Variants in RIN3 observed in about 807,000 individuals in gnomAD.
RIN3 encodes RAB5 interacting protein 3.
A neutral mutation model predicts 76.3 loss-of-function variants in RIN3; 54 were observed. The observed-to-expected ratio is 0.71, with a 90% CI of 0.57 to 0.89. The LOEUF (loss-of-function observed/expected upper bound fraction) is 0.89. Among genes scored for constraint, RIN3 ranks in the 40% least tolerant of loss-of-function variants. The pLI is 0.00. For missense variants in RIN3, 1,256 were observed against 1,322.1 expected (o/e 0.95, Z 0.78); for synonymous variants, 576 against 564.0 (o/e 1.02, Z -0.30).
intron 1 of RIN3, among the ~76,000 whole-genome samples, chr14:92,535,048 G>A (rs1368270647): frequency 1.3e-5 from 2 of 152,168 alleles, no homozygotes; most frequent in Non-Finnish European, 2.9e-5. Context: ...GGCCTTGGTA[G>A]TGTCAGCCTC....
intron 4 of RIN3, among the ~76,000 whole-genome samples, chr14:92,633,179 G>T (rs1216374988): frequency 6.6e-6 from 1 of 152,166 alleles, no homozygotes; most frequent in Non-Finnish European, 1.5e-5. Flanking sequence ...AGATGCCGGG[G>T]TTTCCATCCT....
At chr14:92,576,081 G>A (rs182269158) in intron 2 of RIN3, among the ~76,000 whole-genome samples, 2 of 152,270 alleles carry the variant, frequency 1.3e-5, no homozygotes, top group Admixed American at 1.3e-4. Flanking sequence ...ACAGGAGCAG[G>A]GAGGGGAAGA....
chr14:92,515,945 T>G (rs1385069673), intron 1 of RIN3, among the ~76,000 whole-genome samples: 1 of 152,148 alleles, frequency 6.6e-6, no homozygotes, highest in East Asian at 1.9e-4. Context: ...GGAGGATGAC[T>G]CTGGTTGGGC....
At chr14:92,551,315 G>T (rs1019154878) in intron 1 of RIN3, among the ~76,000 whole-genome samples, 1 of 152,130 alleles carries the variant, frequency 6.6e-6, no homozygotes, top group East Asian at 1.9e-4. Context: ...CTACTGACCC[G>T]TTGTGTGGAC....
chr14:92,642,654 T>G (rs554977199), intron 5 of RIN3, among the ~76,000 whole-genome samples: 1 of 152,124 alleles, frequency 6.6e-6, no homozygotes, highest in East Asian at 1.9e-4. Context: ...CAGAACCAGA[T>G]CACAGAGGAA....
rs144457746 is a variant in RIN3 at position 92,575,468 on chromosome 14, C to G, written c.250-1892C>G. Among the ~76,000 whole-genome samples the G allele has an allele frequency of 3.2e-4, 49 of 152,304 alleles. No individual in the cohort carries two copies. The East Asian group carries it at 9.1e-3, about 28-fold the overall frequency. On this transcript the variant is annotated intron_variant, in intron 2 of 9. Coordinates refer to ENST00000216487, the MANE Select transcript of RIN3 (RefSeq NM_024832.5). ...CTCTATCCTGGTACACTGTCTCATA[C>G]TCATGCTCGACTGATTATGCTTATG...
rs1887489440 is a variant in RIN3, at chr14:92,652,416, C to A, written c.1367C>A (p.Pro456His). 6.2e-7 allele frequency: 1 copy of A among 1,613,296 alleles called. No homozygotes were observed. The highest frequency in any genetic ancestry group is 8.5e-7 in the Non-Finnish European group (1 of 1,179,696). Residue 456 changes from proline (P) to histidine (H), a missense_variant, in exon 6 of 10, where the codon CCC (proline) becomes CAC (histidine). Coordinates refer to ENST00000216487, the MANE Select transcript of RIN3 (RefSeq NM_024832.5). The surrounding 1 kb of genome is among the most constrained non-coding windows in gnomAD (Gnocchi z 6.4). ...MPELPRTAKQ[P>H]PVPPPRKKRI... Reference sequence around the variant, plus strand: ...GAGCTGCCCAGGACAGCCAAACAACCCCCAGTCCCGCCCCCCAGGAAAAAA... The same window carrying A: ...GAGCTGCCCAGGACAGCCAAACAACACCCAGTCCCGCCCCCCAGGAAAAAA...
intron 3 of RIN3, among the ~76,000 whole-genome samples, chr14:92,599,071 G>A (rs1404710793): frequency 6.6e-6 from 1 of 152,208 alleles, no homozygotes; most frequent in East Asian, 1.9e-4. Context: ...TGGCTGGTGT[G>A]AAAGGGAGGG....
At chr14:92,647,149 A>G (rs886213245) in intron 5 of RIN3, among the ~76,000 whole-genome samples, 8 of 152,164 alleles carry the variant, frequency 5.3e-5, no homozygotes, top group African/African-American at 1.9e-4. Flanking sequence ...CCTGCTTTTG[A>G]GATAGGGATG....
chr14:92,521,755 G>A (rs1440931452), intron 1 of RIN3, among the ~76,000 whole-genome samples: 1 of 152,110 alleles, frequency 6.6e-6, no homozygotes, highest in African/African-American at 2.4e-5. Context: ...TTCCTTTATA[G>A]TGAGGCAAAA....
chr14:92,535,694 A>G (rs562451209), intron 1 of RIN3, among the ~76,000 whole-genome samples: 64 of 87,028 alleles, frequency 7.4e-4, no homozygotes, highest in African/African-American at 2.7e-3. Flanking sequence ...TTTTTTTTTT[A>G]GACAGAGTCT....
At chr14:92,534,174 A>C (rs528051382) in intron 1 of RIN3, among the ~76,000 whole-genome samples, 1 of 151,754 alleles carries the variant, frequency 6.6e-6, no homozygotes, top group Non-Finnish European at 1.5e-5. Context: ...TCTGCCCAGC[A>C]TCTCAGCCCT....
chr14:92,683,102 GGTTGCAATGTGCCTA>G (rs1354258088), intron 8 of RIN3, among the ~76,000 whole-genome samples: 1 of 152,090 alleles, frequency 6.6e-6, no homozygotes, highest in African/African-American at 2.4e-5. Context: ...GGGAGGCGGA[GGTTGCAATGTGCCTA>G]GATCACGCCA....
At chr14:92,546,195 G>A (rs970372029) in intron 1 of RIN3, among the ~76,000 whole-genome samples, 2 of 152,056 alleles carry the variant, frequency 1.3e-5, no homozygotes, top group Admixed American at 6.6e-5. Context: ...AAAGGGCTGG[G>A]ATTACAGGCT....
intron 3 of RIN3, among the ~76,000 whole-genome samples, chr14:92,588,214 CTTTTTTTT>C (rs141155255): frequency 5.1e-5 from 3 of 58,760 alleles, no homozygotes; most frequent in African/African-American, 1.4e-4. Flanking sequence ...CCATAGCACT[CTTTTTTTT>C]TTTTTTTTTT....
intron 3 of RIN3, among the ~76,000 whole-genome samples, chr14:92,607,787 A>G (rs1037888173): frequency 2.6e-5 from 4 of 152,256 alleles, no homozygotes; most frequent in Non-Finnish European, 5.9e-5. Flanking sequence ...CCTTCAGTGG[A>G]TGAATGCCTA....
intron 8 of RIN3, among the ~76,000 whole-genome samples, chr14:92,684,296 C>G (rs1888767232): frequency 6.7e-6 from 1 of 148,660 alleles, no homozygotes; most frequent in Admixed American, 6.8e-5. Flanking sequence ...AGGAGAATCG[C>G]TTGAACGTGG....
chr14:92,555,885 G>A lies in RIN3; in HGVS notation c.179G>A (p.Cys60Tyr), dbSNP rs756459445. 7 of 1,613,932 alleles carry A rather than the reference G, an allele frequency of 4.3e-6. No homozygotes were observed. The Admixed American group carries it at 1.2e-4, about 27-fold the overall frequency. The change falls in exon 2 of 10, where the codon TGC (cysteine) becomes TAC (tyrosine). Residue 60 changes from cysteine to tyrosine, a missense_variant. Transcript: ENST00000216487. ...ISILEKLIKTCPVWLQLSLGQ... is the reference protein window; with the variant it reads ...ISILEKLIKTYPVWLQLSLGQ... ...ATCCTGGAGAAGCTCATCAAAACAT[G>A]CCCGGTGTGGCTGCAGCTGAGTCTG...
At position 92,658,409 on chromosome 14, in the gene RIN3, G is replaced by A. The variant is rs146103063; in HGVS notation, c.2027-752G>A. ...GAGCATGGGGAGCAAGCAAAGCAAT[G>A]AGTGAGAGGTCACAGGGCCCGATCA... On this transcript the variant is annotated intron_variant, in intron 6 of 9. Transcript: ENST00000216487. Among the ~76,000 whole-genome samples, 3 of 152,366 alleles carry A rather than the reference G, an allele frequency of 2.0e-5. No homozygotes were observed. In the East Asian group the frequency reaches 5.8e-4, roughly 29 times the overall value.
Sources: gnomAD v4.1 joint callset for allele counts (sites outside exome capture counted in the v4.1 genomes callset) on GRCh38, gnomAD v4.1.1 for gene constraint, Gnocchi (gnomAD v3.1) non-coding constraint, MANE v1.5 for transcripts, NCBI Gene and HGNC (gene_info 2026-07-23, HGNC 2026-07-21) for gene names.